The following ATRNL1 variants were observed in gnomAD, a reference collection of about 807,000 sequenced individuals.
ATRNL1 encodes the protein attractin-like protein 1.
A neutral mutation model predicts 182.7 loss-of-function variants in ATRNL1; 95 were observed. The observed-to-expected ratio is 0.52, with a 90% CI of 0.44 to 0.62. The LOEUF is 0.62. Ranked by LOEUF, ATRNL1 falls within the 20% of genes least tolerant of loss-of-function variation. ATRNL1 has a pLI of 0.00. For synonymous variants in ATRNL1, 576 were observed against 568.3 expected, an observed-to-expected ratio of 1.01 and a Z score of -0.19; for missense variants, 1,471 against 1,679.5, an observed-to-expected ratio of 0.88 and a Z score of 2.17.
At chr10:115,476,757 G>T in intron 24 of ATRNL1, among the ~76,000 whole-genome samples, 1 of 150,414 alleles carries the variant, frequency 6.6e-6, no homozygotes, top group African/African-American at 2.4e-5. Flanking sequence ...GACCTTTCTG[G>T]CCTTAACCTT....
At chr10:115,164,364 A>G (rs782230987) in intron 6 of ATRNL1, among the ~76,000 whole-genome samples, 7 of 152,188 alleles carry the variant, frequency 4.6e-5, no homozygotes, top group Non-Finnish European at 1.0e-4. Context: ...AATTTATATA[A>G]TGCTAAGATA....
chr10:115,751,864 G>T (rs1948458535), intron 27 of ATRNL1, among the ~76,000 whole-genome samples: 1 of 151,950 alleles, frequency 6.6e-6, no homozygotes, highest in Admixed American at 6.6e-5. Flanking sequence ...ACAATAAAAT[G>T]ATAAACTAAA....
intron 26 of ATRNL1, among the ~76,000 whole-genome samples, chr10:115,633,878 T>C (rs1268731807): frequency 2.0e-5 from 3 of 152,146 alleles, no homozygotes; most frequent in Non-Finnish European, 4.4e-5. Flanking sequence ...GATAGACATA[T>C]TAGCATGGCT....
intron 21 of ATRNL1, among the ~76,000 whole-genome samples, chr10:115,451,272 G>T (rs981435541): frequency 2.0e-5 from 3 of 152,122 alleles, no homozygotes. Flanking sequence ...TGACAAGTTG[G>T]ATCTAATTAA....
chr10:115,612,694 C>G (rs1296430504), intron 26 of ATRNL1, among the ~76,000 whole-genome samples: 1 of 152,178 alleles, frequency 6.6e-6, no homozygotes, highest in Non-Finnish European at 1.5e-5. Context: ...AAGTCCTTGG[C>G]AAAAGTTCTT....
At chr10:115,791,502 A>T (rs148425740) in intron 27 of ATRNL1, among the ~76,000 whole-genome samples, 1 of 152,094 alleles carries the variant, frequency 6.6e-6, no homozygotes, top group Non-Finnish European at 1.5e-5. Flanking sequence ...AGTCATTCCC[A>T]TATGTTTTCT....
chr10:115,819,522 C>A (rs1950243623), intron 27 of ATRNL1, among the ~76,000 whole-genome samples: 1 of 152,056 alleles, frequency 6.6e-6, no homozygotes, highest in African/African-American at 2.4e-5. Flanking sequence ...TTCAAGTGAT[C>A]CCCTAGTCCT....
chr10:115,805,972 A>G (rs1455847505), intron 27 of ATRNL1, among the ~76,000 whole-genome samples: 3 of 152,192 alleles, frequency 2.0e-5, no homozygotes, highest in Non-Finnish European at 4.4e-5. Context: ...TAAAAGTTTT[A>G]TAGTACAGTA....
chr10:115,561,539 A>C (rs1230950163), intron 26 of ATRNL1, among the ~76,000 whole-genome samples: 3 of 152,154 alleles, frequency 2.0e-5, no homozygotes, highest in African/African-American at 7.2e-5. Context: ...AAATGATATA[A>C]ATGGGAAAAT....
chr10:115,144,019 C>T (rs561571398), intron 5 of ATRNL1, among the ~76,000 whole-genome samples: 171 of 151,136 alleles, frequency 1.1e-3, no homozygotes, highest in African/African-American at 3.9e-3. Flanking sequence ...CTTTCACTGC[C>T]GCCTGGGCTG....
intron 26 of ATRNL1, among the ~76,000 whole-genome samples, chr10:115,723,885 GT>G (rs1255340779): frequency 6.6e-6 from 1 of 152,044 alleles, no homozygotes; most frequent in Non-Finnish European, 1.5e-5. Context: ...TCCATGGTTT[GT>G]TTTATAAGAG....
rs956938768 is a variant in ATRNL1 at position 115,801,095 on chromosome 10, C to T, written c.3904-46782C>T. On this transcript the variant is annotated intron_variant, in intron 27 of 28. Transcript: ENST00000355044. ...TGTCTGCACCTAAACACAGGCTTGCCCATCTGTAGTCCTAGTCTGTTCCTT... is the reference window on the plus strand; with the variant it reads ...TGTCTGCACCTAAACACAGGCTTGCTCATCTGTAGTCCTAGTCTGTTCCTT... Among the ~76,000 whole-genome samples, 12 of 152,294 alleles carry T rather than the reference C, an allele frequency of 7.9e-5. No individual in the cohort carries two copies. In the Middle Eastern group the frequency reaches 0.01, roughly 130 times the overall value.
intron 21 of ATRNL1, among the ~76,000 whole-genome samples, chr10:115,442,234 T>C (rs1365285361): frequency 1.3e-5 from 2 of 150,238 alleles, no homozygotes; most frequent in Non-Finnish European, 3.0e-5. Context: ...TATTTTTTTT[T>C]CCTCAAACAG....
At chr10:115,558,194 T>A (rs1853441803) in intron 26 of ATRNL1, among the ~76,000 whole-genome samples, 1 of 152,064 alleles carries the variant, frequency 6.6e-6, no homozygotes, top group Non-Finnish European at 1.5e-5. Flanking sequence ...GGACAAAGTA[T>A]TGAACAAAAT....
intron 24 of ATRNL1, among the ~76,000 whole-genome samples, chr10:115,500,783 C>T (rs973438300): frequency 3.3e-5 from 5 of 151,874 alleles, no homozygotes; most frequent in Non-Finnish European, 4.4e-5. Context: ...TCAGGTGATC[C>T]GCCTGCCTCG....
intron 27 of ATRNL1, among the ~76,000 whole-genome samples, chr10:115,827,770 A>C (rs1272197750): frequency 2.0e-5 from 3 of 152,182 alleles, no homozygotes; most frequent in Non-Finnish European, 4.4e-5. Flanking sequence ...GCAGTTGTCG[A>C]ATACTGACAC....
At chr10:115,304,622 G>T (rs1853636955) in intron 17 of ATRNL1, among the ~76,000 whole-genome samples, 1 of 152,162 alleles carries the variant, frequency 6.6e-6, no homozygotes, top group Non-Finnish European at 1.5e-5. Context: ...TGGAGGAGGG[G>T]GTGTCTGATT....
At chr10:115,552,179 A>G (rs1016715167) in intron 26 of ATRNL1, among the ~76,000 whole-genome samples, 3 of 151,364 alleles carry the variant, frequency 2.0e-5, no homozygotes, top group Non-Finnish European at 4.5e-5. Context: ...AGAGCCCTGG[A>G]GATTTTTAAC....
At chr10:115,281,734 GA>G (rs35366343) in intron 14 of ATRNL1, among the ~76,000 whole-genome samples, 50,728 of 150,988 alleles carry the variant, frequency 0.34, 9,318 homozygotes, top group East Asian at 0.68. Context: ...CCTTTTCATC[GA>G]AAAAAATCTT....
Sources: gnomAD v4.1 joint callset for allele counts (sites outside exome capture counted in the v4.1 genomes callset) on GRCh38, gnomAD v4.1.1 for gene constraint, MANE v1.5 for transcripts, NCBI Gene and HGNC (gene_info 2026-07-23, HGNC 2026-07-21) for gene names.